Variants in ERBB4 observed in about 807,000 individuals in gnomAD.
ERBB4 encodes the protein erb-b2 receptor tyrosine kinase 4.
A neutral mutation model predicts 158.0 loss-of-function variants in ERBB4; 42 were observed. The observed-to-expected ratio is 0.27, with a 90% CI of 0.21 to 0.34. The LOEUF (loss-of-function observed/expected upper bound fraction) is 0.34. Ranked by LOEUF, ERBB4 falls within the 10% of genes least tolerant of loss-of-function variation. ERBB4 has a pLI of 1.00. For missense variants in ERBB4, 1,333 were observed against 1,624.1 expected, an observed-to-expected ratio of 0.82 and a Z score of 3.08; for synonymous variants, 583 against 558.7, an observed-to-expected ratio of 1.04 and a Z score of -0.61.
chr2:211,918,949 T>C (rs1241364118), intron 3 of ERBB4, among the ~76,000 whole-genome samples: 1 of 152,128 alleles, frequency 6.6e-6, no homozygotes, highest in Non-Finnish European at 1.5e-5. Flanking sequence ...TAATCTAGCC[T>C]ATTCTAACTG....
intron 2 of ERBB4, among the ~76,000 whole-genome samples, chr2:212,052,277 T>TAA: frequency 6.6e-6 from 1 of 152,174 alleles, no homozygotes; most frequent in South Asian, 2.1e-4. Flanking sequence ...ATACCAGTGG[T>TAA]TTGCCAGGGG....
chr2:212,226,208 G>GA lies in ERBB4; in HGVS notation c.83-101306dup, dbSNP rs542443977. Among the ~76,000 whole-genome samples, 5 of 152,226 alleles carry GA rather than the reference G, an allele frequency of 3.3e-5. No individual in the cohort carries two copies. The South Asian group carries it at 1.0e-3, about 32-fold the overall frequency. On this transcript the variant is annotated intron_variant, in intron 1 of 27. Coordinates refer to ENST00000342788, the MANE Select transcript of ERBB4 (RefSeq NM_005235.3). ...GCAACCCCAGGCTGTTGGCCAGTAA[G>GA]AAAATGGGGATCCTTGTCCTACAGC... is the stretch of plus-strand genomic sequence containing the variant.
At chr2:211,724,937 G>C in intron 6 of ERBB4, 139 bp downstream of exon 6, 1 of 715,398 alleles carries the variant, frequency 1.4e-6, no homozygotes, top group Non-Finnish European at 2.6e-6. Flanking sequence ...GAATGACTTT[G>C]AGGAGGGCAG....
rs1048596534 is a variant in ERBB4 at position 211,654,369 on chromosome 2, T to C, written c.1946+3385A>G. ...CACTGCATTATATTTAAGTTCTAAA[T>C]AGGCGTTAATGAAAGATATCTAGAG... On this transcript the variant is annotated intron_variant, in intron 16 of 27. Transcript: ENST00000342788. Among the ~76,000 whole-genome samples, 41 of 152,224 alleles carry C rather than the reference T, an allele frequency of 2.7e-4. 1 individual carries two copies. Among genetic ancestry groups the C allele is most frequent in the African/African-American group, 9.7e-4 (40 of 41,442 alleles).
At chr2:212,063,724 C>G (rs2077852207) in intron 2 of ERBB4, among the ~76,000 whole-genome samples, 1 of 152,006 alleles carries the variant, frequency 6.6e-6, no homozygotes, top group African/African-American at 2.4e-5. Context: ...AAACAAAAAG[C>G]CATAAATAGG....
At chr2:211,767,727 G>A (rs62183029) in intron 4 of ERBB4, among the ~76,000 whole-genome samples, 36,330 of 152,040 alleles carry the variant, frequency 0.24, 4,684 homozygotes, top group Non-Finnish European at 0.3. Flanking sequence ...ACAGCAGCAT[G>A]AGGGTAACAG....
At chr2:211,883,728 G>C (rs1559610240) in intron 3 of ERBB4, among the ~76,000 whole-genome samples, 1 of 152,168 alleles carries the variant, frequency 6.6e-6, no homozygotes, top group Non-Finnish European at 1.5e-5. Flanking sequence ...GGAGGTGGAG[G>C]TTGTAGTGAG....
chr2:211,435,897 G>A (rs1302802626), intron 20 of ERBB4, among the ~76,000 whole-genome samples: 2 of 152,110 alleles, frequency 1.3e-5, no homozygotes, highest in African/African-American at 4.8e-5. Context: ...TCTCTTAATG[G>A]GTCACAGGGT....
At chr2:211,775,441 G>T (rs1335922922) in intron 4 of ERBB4, among the ~76,000 whole-genome samples, 4 of 152,016 alleles carry the variant, frequency 2.6e-5, no homozygotes, top group Admixed American at 1.3e-4. Context: ...AATTTCTATT[G>T]CCTACACTTT....
intron 1 of ERBB4, among the ~76,000 whole-genome samples, chr2:212,329,050 G>A (rs1347027988): frequency 6.6e-6 from 1 of 151,960 alleles, no homozygotes; most frequent in African/African-American, 2.4e-5. Flanking sequence ...GAGCATGTGA[G>A]AGAAACACAT....
chr2:212,097,397 T>TAAAG (rs1274615113), intron 2 of ERBB4, among the ~76,000 whole-genome samples: 62 of 152,314 alleles, frequency 4.1e-4, no homozygotes, highest in African/African-American at 1.4e-3. Flanking sequence ...GGATACATTG[T>TAAAG]GAGCATAGGG....
chr2:211,455,364 C>T (rs2064354651), intron 20 of ERBB4, among the ~76,000 whole-genome samples: 1 of 152,178 alleles, frequency 6.6e-6, no homozygotes, highest in African/African-American at 2.4e-5. Flanking sequence ...CTTAAATATT[C>T]ATTTTCCATG....
At chr2:212,345,625 TG>T (rs2088961794) in intron 1 of ERBB4, among the ~76,000 whole-genome samples, 1 of 152,180 alleles carries the variant, frequency 6.6e-6, no homozygotes, top group Non-Finnish European at 1.5e-5. Context: ...AATATATTTC[TG>T]GGTAAATAAC....
chr2:212,399,146 T>C (rs2091117654), intron 1 of ERBB4, among the ~76,000 whole-genome samples: 1 of 151,988 alleles, frequency 6.6e-6, no homozygotes, highest in Non-Finnish European at 1.5e-5. Flanking sequence ...TTTCACCATG[T>C]TGGCCAGACT....
At chr2:211,917,899 T>A (rs1575374965) in intron 3 of ERBB4, among the ~76,000 whole-genome samples, 1 of 152,136 alleles carries the variant, frequency 6.6e-6, no homozygotes, top group Non-Finnish European at 1.5e-5. Context: ...ACCCCTTATA[T>A]CGTAGAGGCA....
chr2:212,285,506 A>C (rs943716786), intron 1 of ERBB4, among the ~76,000 whole-genome samples: 32 of 152,096 alleles, frequency 2.1e-4, no homozygotes, highest in African/African-American at 7.7e-4. Context: ...ACAAAATTCA[A>C]GGGAAGACTG....
At chr2:211,922,781 T>C (rs1355885227) in intron 3 of ERBB4, among the ~76,000 whole-genome samples, 1 of 152,142 alleles carries the variant, frequency 6.6e-6, no homozygotes, top group African/African-American at 2.4e-5. Context: ...TCAGAGGATA[T>C]AACCTTTAAA....
chr2:212,478,939 A>G (rs1306454383), intron 1 of ERBB4, among the ~76,000 whole-genome samples: 2 of 152,080 alleles, frequency 1.3e-5, no homozygotes, highest in Non-Finnish European at 2.9e-5. Flanking sequence ...CACTTTTCCT[A>G]CATTCTCTAA....
rs151299256 is a variant in ERBB4, at chr2:212,528,754, T to C, written c.82+9695A>G. Among the ~76,000 whole-genome samples the C allele has an allele frequency of 2.9e-3, 439 of 152,216 alleles. 1 individual carries two copies. Among genetic ancestry groups the C allele is most frequent in the African/African-American group, 0.01 (418 of 41,552 alleles). On this transcript the variant is annotated intron_variant, in intron 1 of 27. Coordinates refer to ENST00000342788, the MANE Select transcript of ERBB4 (RefSeq NM_005235.3). ...CCCTGGTAGACTCTGACTCTATAAA[T>C]AATATAATTATTTCACCATTTTCAG...
Sources: gnomAD v4.1 joint callset for allele counts (sites outside exome capture counted in the v4.1 genomes callset) on GRCh38, gnomAD v4.1.1 for gene constraint, MANE v1.5 for transcripts, NCBI Gene and HGNC (gene_info 2026-07-23, HGNC 2026-07-21) for gene names.